KLHL29: variants seen among roughly 807,000 people sequenced by gnomAD.
The protein encoded by KLHL29 is kelch-like protein 29.
In KLHL29, 21 loss-of-function variants were observed where a neutral mutation model predicts 80.4. The observed-to-expected ratio is 0.26, with a 90% CI of 0.19 to 0.38. The LOEUF is 0.38. Among genes scored for constraint, KLHL29 ranks in the 10% least tolerant of loss-of-function variants. The pLI, the probability that KLHL29 is intolerant of heterozygous loss-of-function variation, is 1.00. For missense variants in KLHL29, 867 were observed against 1,223.9 expected, an observed-to-expected ratio of 0.71 and a Z score of 4.35; for synonymous variants, 511 against 526.8, an observed-to-expected ratio of 0.97 and a Z score of 0.41.
chr2:23,644,814 A>C (rs1374154127), intron 5 of KLHL29, among the ~76,000 whole-genome samples: 2 of 152,244 alleles, frequency 1.3e-5, no homozygotes, highest in Non-Finnish European at 2.9e-5. Context: ...ACCAGGCCCC[A>C]CTGGGCAGAC....
chr2:23,441,822 A>G (rs1038721986), intron 1 of KLHL29, among the ~76,000 whole-genome samples: 1 of 152,182 alleles, frequency 6.6e-6, no homozygotes, highest in African/African-American at 2.4e-5. Context: ...AATAAAGGAT[A>G]CTAAAAGTTC....
chr2:23,602,743 C>T (rs542387213), intron 3 of KLHL29, among the ~76,000 whole-genome samples: 4 of 151,876 alleles, frequency 2.6e-5, no homozygotes, highest in Non-Finnish European at 5.9e-5. Flanking sequence ...CGTGAGGCAC[C>T]ACTCCCGACC....
intron 1 of KLHL29, among the ~76,000 whole-genome samples, chr2:23,444,942 TTAGAAAA>T (rs1183450839): frequency 6.6e-6 from 1 of 152,206 alleles, no homozygotes; most frequent in African/African-American, 2.4e-5. Context: ...ATTTTGTTTC[TTAGAAAA>T]TATAAAACAT....
At chr2:23,459,694 C>T (rs540566786) in intron 1 of KLHL29, among the ~76,000 whole-genome samples, 21 of 152,314 alleles carry the variant, frequency 1.4e-4, no homozygotes, top group African/African-American at 5.1e-4. Flanking sequence ...GGTGCATGCA[C>T]TGTGATAGTG....
At chr2:23,667,806 G>A (rs1670595799) in intron 5 of KLHL29, 1 of 152,478 alleles carries the variant, frequency 6.6e-6, no homozygotes, top group African/African-American at 2.4e-5. Context: ...TGACTTCCAG[G>A]TTGACAGTTC....
intron 1 of KLHL29, among the ~76,000 whole-genome samples, chr2:23,463,371 G>C (rs1293980714): frequency 6.6e-6 from 1 of 152,028 alleles, no homozygotes; most frequent in Non-Finnish European, 1.5e-5. Context: ...GTGTTAATTA[G>C]AGTCTTCTTA....
chr2:23,510,645 G>A (rs1434804253), intron 2 of KLHL29, among the ~76,000 whole-genome samples: 1 of 152,224 alleles, frequency 6.6e-6, no homozygotes, highest in Non-Finnish European at 1.5e-5. Context: ...GCAGGAGCTG[G>A]GTGGCACCTG....
chr2:23,394,196 A>T (rs6746692), intron 1 of KLHL29, among the ~76,000 whole-genome samples: 36,708 of 152,070 alleles, frequency 0.24, 4,670 homozygotes, highest in South Asian at 0.31. Flanking sequence ...AACAAAAACA[A>T]TCTTCCCTTT....
intron 3 of KLHL29, among the ~76,000 whole-genome samples, chr2:23,627,136 A>G: frequency 6.6e-6 from 1 of 152,156 alleles, no homozygotes; most frequent in Non-Finnish European, 1.5e-5. Context: ...ACCACTGCTT[A>G]AGATCTCTCC....
At chr2:23,676,276 G>A (rs866699900) in intron 5 of KLHL29, among the ~76,000 whole-genome samples, 1 of 152,060 alleles carries the variant, frequency 6.6e-6, no homozygotes, top group African/African-American at 2.4e-5. Flanking sequence ...TCCGCTTCCC[G>A]GGTTCACACC....
chr2:23,454,045 C>T (rs11689283), intron 1 of KLHL29, among the ~76,000 whole-genome samples: 7,881 of 152,216 alleles, frequency 0.052, 238 homozygotes, highest in African/African-American at 0.075. Context: ...ATGAGGAGGC[C>T]AGGTCTGCTT....
chr2:23,695,962 GTCA>G lies in KLHL29; in HGVS notation c.1756_1758del (p.Ile586del). The G allele has an allele frequency of 6.4e-7, 1 of 1,551,448 alleles. No homozygotes were observed. Among genetic ancestry groups the G allele is most frequent in the Non-Finnish European group, 8.7e-7 (1 of 1,146,950 alleles). ...CCATGTCCCTGCAGGTGTGGCTGAGGTCATCGTCTTGGTTGGGGGCCGTCAGAT... is the reference window on the plus strand; with the variant it reads ...CCATGTCCCTGCAGGTGTGGCTGAGGTCGTCTTGGTTGGGGGCCGTCAGAT... On this transcript the variant is annotated inframe_deletion, in exon 10 of 14. Coordinates refer to ENST00000486442, the MANE Select transcript of KLHL29 (RefSeq NM_052920.2). The surrounding 1 kb of genome is among the most constrained non-coding windows in gnomAD (Gnocchi z 7.6).
intron 3 of KLHL29, among the ~76,000 whole-genome samples, chr2:23,627,737 C>T (rs867409765): frequency 1.5e-4 from 1 of 6,732 alleles, no homozygotes; most frequent in Non-Finnish European, 2.9e-4. Context: ...TGTTGTGTGG[C>T]GTCAAGAGTC....
At chr2:23,653,739 G>A (rs1558425565) in intron 5 of KLHL29, among the ~76,000 whole-genome samples, 1 of 152,216 alleles carries the variant, frequency 6.6e-6, no homozygotes, top group East Asian at 1.9e-4. Flanking sequence ...CCCATGGTCA[G>A]GGGCTTCTCT....
At chr2:23,407,435 CCT>C (rs1666762421) in intron 1 of KLHL29, among the ~76,000 whole-genome samples, 1 of 150,408 alleles carries the variant, frequency 6.6e-6, no homozygotes, top group Non-Finnish European at 1.5e-5. Flanking sequence ...ACGTACCTGT[CCT>C]CTGTTTGTCC....
chr2:23,550,364 G>A (rs547409138), intron 2 of KLHL29, among the ~76,000 whole-genome samples: 1 of 152,244 alleles, frequency 6.6e-6, no homozygotes, highest in South Asian at 2.1e-4. Flanking sequence ...TGGACAAGCA[G>A]GAGGCCCCCC....
At chr2:23,625,112 G>A (rs1485767188) in intron 3 of KLHL29, among the ~76,000 whole-genome samples, 1 of 152,214 alleles carries the variant, frequency 6.6e-6, no homozygotes. Flanking sequence ...TGTGAGCCGT[G>A]GTCATCCAGG....
chr2:23,685,237 G>C (rs1342006707), intron 6 of KLHL29: 2 of 51,138 alleles, frequency 3.9e-5, no homozygotes, highest in East Asian at 1.5e-3. Context: ...TGGTGCATGA[G>C]CATCTTTTTT....
At chr2:23,590,615 C>T (rs1026061181) in intron 3 of KLHL29, among the ~76,000 whole-genome samples, 2 of 152,124 alleles carry the variant, frequency 1.3e-5, no homozygotes, top group African/African-American at 2.4e-5. Flanking sequence ...CCAGTGCATG[C>T]TAAAATCCCC....
Sources: allele counts gnomAD v4.1 joint callset (sites outside exome capture counted in the v4.1 genomes callset), GRCh38; gene constraint gnomAD v4.1.1; non-coding constraint Gnocchi (gnomAD v3.1); transcripts MANE v1.5; gene names NCBI Gene and HGNC (gene_info 2026-07-23, HGNC 2026-07-21).